PRKG1: variants seen among roughly 807,000 people sequenced by gnomAD.
The protein encoded by PRKG1 is cGMP-dependent protein kinase 1.
Under a neutral mutation model 88.1 loss-of-function variants are expected in PRKG1, and 35 were observed. The ratio of observed to expected loss-of-function variants is 0.40; its 90% CI spans 0.30 to 0.53. PRKG1 has a LOEUF of 0.53. Ranked by LOEUF, PRKG1 falls within the 20% of genes least tolerant of loss-of-function variation. The pLI is 0.59. For synonymous variants in PRKG1, 303 were observed against 292.5 expected (o/e 1.04, Z -0.37); for missense variants, 540 against 839.8 (o/e 0.64, Z 4.41).
At chr10:52,077,919 G>A (rs913333097) in intron 7 of PRKG1, among the ~76,000 whole-genome samples, 1 of 152,038 alleles carries the variant, frequency 6.6e-6, no homozygotes, top group East Asian at 1.9e-4. Flanking sequence ...ATGCAAGCAG[G>A]GATAGGCAAA....
rs78636156 is a variant in PRKG1, at chr10:51,358,104, A to G, written c.479-109619A>G. Among the ~76,000 whole-genome samples, 200 of 152,022 alleles carry G rather than the reference A, an allele frequency of 1.3e-3. 4 individuals are homozygous for G. The East Asian group carries it at 0.036, about 28-fold the overall frequency. On this transcript the variant is annotated intron_variant, in intron 2 of 17. Transcript: ENST00000373980. Reference sequence around the variant, plus strand: ...TAGGTCGGGAATTTGTGAAATGCTCAGCTGAGGGGGTCATGAGATTGTAGT... The same window carrying G: ...TAGGTCGGGAATTTGTGAAATGCTCGGCTGAGGGGGTCATGAGATTGTAGT...
chr10:51,059,676 A>G (rs1283771843), intron 1 of PRKG1, among the ~76,000 whole-genome samples: 1 of 152,260 alleles, frequency 6.6e-6, no homozygotes, highest in East Asian at 1.9e-4. Flanking sequence ...ATTCTTCTGC[A>G]GCAAGACACC....
chr10:51,274,337 T>G (rs1282839777), intron 2 of PRKG1, among the ~76,000 whole-genome samples: 1 of 152,210 alleles, frequency 6.6e-6, no homozygotes, highest in African/African-American at 2.4e-5. Context: ...ACCTTATAAC[T>G]TTCATGTCCA....
rs1842093468 is a variant in PRKG1 at position 51,534,495 on chromosome 10, C to T, written c.592+66659C>T. Among the ~76,000 whole-genome samples, 3 of 151,784 alleles carry T rather than the reference C, an allele frequency of 2.0e-5. No individual in the cohort carries two copies. The South Asian group carries it at 6.3e-4, about 32-fold the overall frequency. ...CATCCTGGCTAACATGGTGAAACCT[C>T]GTCTCTCCTAAAAATACAAAACATT... On this transcript the variant is annotated intron_variant, in intron 3 of 17. Coordinates refer to ENST00000373980, the MANE Select transcript of PRKG1 (RefSeq NM_006258.4).
At chr10:51,402,647 C>T in intron 2 of PRKG1, among the ~76,000 whole-genome samples, 1 of 152,178 alleles carries the variant, frequency 6.6e-6, no homozygotes, top group East Asian at 1.9e-4. Context: ...TAAGGGCTGT[C>T]AGATCAATAC....
At position 51,410,995 on chromosome 10, in the gene PRKG1, A is replaced by G. The variant is rs1407871478; in HGVS notation, c.479-56728A>G. 3.3e-5 allele frequency among the ~76,000 whole-genome samples: 5 copies of G among 151,832 alleles called. No individual in the cohort carries two copies. The East Asian group carries it at 7.7e-4, about 24-fold the overall frequency. On this transcript the variant is annotated intron_variant, in intron 2 of 17. Transcript: ENST00000373980. ...TAAAAGTAGAATGTGGTAATTTTACAGGTTAATTTTTTTTTTTGAGATGGA... is the reference window on the plus strand; with the variant it reads ...TAAAAGTAGAATGTGGTAATTTTACGGGTTAATTTTTTTTTTTGAGATGGA...
At chr10:51,924,523 G>A (rs1842529890) in intron 5 of PRKG1, among the ~76,000 whole-genome samples, 1 of 151,928 alleles carries the variant, frequency 6.6e-6, no homozygotes, top group African/African-American at 2.4e-5. Flanking sequence ...GTGAATTATT[G>A]GGTGTTTATT....
In PRKG1 at chr10:51,553,988, G is replaced by GTATGTATTAGATA. The variant is rs1837220672; in HGVS notation, c.592+86152_592+86153insTATGTATTAGATA. On this transcript the variant is annotated intron_variant, in intron 3 of 17. Coordinates refer to ENST00000373980, the MANE Select transcript of PRKG1 (RefSeq NM_006258.4). Reference sequence around the variant, plus strand: ...TATTAGATACGTGCATATTATATATGCGTATGTGATACGTGCATATTATAT... The same window carrying GTATGTATTAGATA: ...TATTAGATACGTGCATATTATATATGTATGTATTAGATACGTATGTGATACGTGCATATTATAT... Among the ~76,000 whole-genome samples the GTATGTATTAGATA allele has an allele frequency of 2.1e-5, 3 of 143,014 alleles. 1 individual carries two copies. The Admixed American group carries it at 2.1e-4, about 10-fold the overall frequency. 93.8% of individuals were successfully genotyped at this position (143,014 alleles called of 152,430 possible).
chr10:51,295,480 C>T (rs865867305), intron 2 of PRKG1, among the ~76,000 whole-genome samples: 1 of 151,818 alleles, frequency 6.6e-6, no homozygotes, highest in Admixed American at 6.6e-5. Context: ...TAATTTTATA[C>T]CCTGAAACTT....
chr10:51,497,715 T>C (rs555207610), intron 3 of PRKG1, among the ~76,000 whole-genome samples: 3 of 152,302 alleles, frequency 2.0e-5, no homozygotes, highest in South Asian at 4.1e-4. Flanking sequence ...TTTATGATCC[T>C]GTCTATTCTC....
intron 2 of PRKG1, among the ~76,000 whole-genome samples, chr10:51,290,136 A>G (rs1840545620): frequency 6.6e-6 from 1 of 152,168 alleles, no homozygotes; most frequent in African/African-American, 2.4e-5. Context: ...TGGACACAGG[A>G]GGCTGAGATG....
chr10:51,574,540 G>A (rs1236305614), intron 3 of PRKG1, among the ~76,000 whole-genome samples: 2 of 151,912 alleles, frequency 1.3e-5, no homozygotes, highest in East Asian at 3.9e-4. Flanking sequence ...ACTCTGATGT[G>A]TTAATATATT....
Position 51,535,988 on chromosome 10 carries a change from C to T in PRKG1, c.592+68152C>T, listed in dbSNP as rs145449841. Among the ~76,000 whole-genome samples, 1,216 of 152,068 alleles carry T rather than the reference C, an allele frequency of 8.0e-3. 21 individuals carry two copies. The highest frequency in any genetic ancestry group is 0.041 in the Middle Eastern group (12 of 294). On this transcript the variant is annotated intron_variant, in intron 3 of 17. Transcript: ENST00000373980. ...TCCACCCGCCTCAGCTTCCCAAAGCCCTGTGATTACAGGCATGAGCCATTG... is the reference window on the plus strand; with the variant it reads ...TCCACCCGCCTCAGCTTCCCAAAGCTCTGTGATTACAGGCATGAGCCATTG...
rs146015903 is a variant in PRKG1, at chr10:52,095,067, C to A, written c.935+32436C>A. ...ATTTATTCATTAACAGCCTCTAAGC[C>A]ACCTGCCAGGCCCCACACTATCTGC... On this transcript the variant is annotated intron_variant, in intron 7 of 17. Transcript: ENST00000373980. Among the ~76,000 whole-genome samples, 276 of 152,268 alleles carry A rather than the reference C, an allele frequency of 1.8e-3. 1 individual carries two copies. Among genetic ancestry groups the A allele is most frequent in the African/African-American group, 6.5e-3 (269 of 41,550 alleles).
intron 12 of PRKG1, among the ~76,000 whole-genome samples, chr10:52,274,224 C>T (rs1052674094): frequency 1.3e-4 from 20 of 152,296 alleles, no homozygotes; most frequent in African/African-American, 3.4e-4. Context: ...GTACCCATCA[C>T]GCAAGCAGTA....
At chr10:51,342,515 G>T (rs1471778928) in intron 2 of PRKG1, among the ~76,000 whole-genome samples, 2 of 152,062 alleles carry the variant, frequency 1.3e-5, no homozygotes, top group African/African-American at 4.8e-5. Context: ...GAACTTGTTT[G>T]TTTGCCAATT....
chr10:51,730,877 C>T (rs975149836), intron 3 of PRKG1, among the ~76,000 whole-genome samples: 1 of 152,134 alleles, frequency 6.6e-6, no homozygotes, highest in Admixed American at 6.5e-5. Context: ...ACCTTCTGGC[C>T]GGGCGCAGTG....
chr10:51,256,120 A>C (rs1589284562), intron 2 of PRKG1, among the ~76,000 whole-genome samples: 1 of 152,124 alleles, frequency 6.6e-6, no homozygotes, highest in Non-Finnish European at 1.5e-5. Context: ...TCTTCAGTTG[A>C]AAAACAGCTG....
At chr10:51,423,157 C>T (rs978920241) in intron 2 of PRKG1, among the ~76,000 whole-genome samples, 2 of 152,102 alleles carry the variant, frequency 1.3e-5, no homozygotes, top group African/African-American at 4.8e-5. Flanking sequence ...TGTGTGACAT[C>T]TTGCTTCTTT....
Sources: gnomAD v4.1 joint callset for allele counts (sites outside exome capture counted in the v4.1 genomes callset) on GRCh38, gnomAD v4.1.1 for gene constraint, MANE v1.5 for transcripts, NCBI Gene and HGNC (gene_info 2026-07-23, HGNC 2026-07-21) for gene names.